Variants in NEK10 observed in about 807,000 individuals in gnomAD.
NEK10 encodes the protein serine/threonine-protein kinase Nek10.
Under a neutral mutation model 159.8 loss-of-function variants are expected in NEK10, and 122 were observed. The ratio of observed to expected loss-of-function variants is 0.76; its 90% CI spans 0.66 to 0.89. NEK10 has a LOEUF of 0.89. Among genes scored for constraint, NEK10 ranks in the 40% least tolerant of loss-of-function variants. The pLI is 0.00. For synonymous variants in NEK10, 466 were observed against 457.1 expected (o/e 1.02, Z -0.25); for missense variants, 1,342 against 1,323.1 (o/e 1.01, Z -0.22).
At chr3:27,300,524 T>C (rs527709753) in intron 13 of NEK10, among the ~76,000 whole-genome samples, 2 of 152,266 alleles carry the variant, frequency 1.3e-5, no homozygotes, top group East Asian at 3.9e-4. Flanking sequence ...CGTAAACACA[T>C]CTTAAGTGTA....
intron 35 of NEK10, among the ~76,000 whole-genome samples, chr3:27,114,735 A>T (rs779175328): frequency 6.6e-6 from 1 of 152,202 alleles, no homozygotes; most frequent in Non-Finnish European, 1.5e-5. Context: ...ATAATTGAAA[A>T]GGAAGGCAGT....
At chr3:27,127,577 T>C (rs762606292) in intron 32 of NEK10, among the ~76,000 whole-genome samples, 1 of 152,140 alleles carries the variant, frequency 6.6e-6, no homozygotes, top group Non-Finnish European at 1.5e-5. Flanking sequence ...TATCTAAACA[T>C]ATTTGAATAC....
intron 22 of NEK10, among the ~76,000 whole-genome samples, chr3:27,263,591 T>C (rs561284918): frequency 3.7e-4 from 56 of 152,156 alleles, no homozygotes; most frequent in Non-Finnish European, 6.8e-4. Flanking sequence ...TGAGCGAGGC[T>C]CCGTGGGTAT....
At chr3:27,144,517 C>A (rs1362601203) in intron 30 of NEK10, among the ~76,000 whole-genome samples, 4 of 152,110 alleles carry the variant, frequency 2.6e-5, no homozygotes, top group Admixed American at 2.6e-4. Flanking sequence ...ACACTCTGAC[C>A]AGAAAAGAAT....
chr3:27,278,899 C>T (rs1189886681), intron 22 of NEK10: 16 of 984,704 alleles, frequency 1.6e-5, no homozygotes, highest in Non-Finnish European at 1.6e-5. Context: ...GACTGTGTCT[C>T]ACCCCATGTA....
intron 5 of NEK10, among the ~76,000 whole-genome samples, chr3:27,328,451 T>G (rs1274989571): frequency 6.6e-6 from 1 of 152,212 alleles, no homozygotes; most frequent in Admixed American, 6.5e-5. Flanking sequence ...TTGATCCATA[T>G]GGATGTCTAG....
chr3:27,265,076 G>A (rs1230599793), intron 22 of NEK10, among the ~76,000 whole-genome samples: 1 of 152,162 alleles, frequency 6.6e-6, no homozygotes, highest in Non-Finnish European at 1.5e-5. Context: ...GAATAGTTGG[G>A]TATTTTCTTA....
At chr3:27,112,473 AATGACGATG>A (rs1352606306) in intron 35 of NEK10, among the ~76,000 whole-genome samples, 2 of 152,194 alleles carry the variant, frequency 1.3e-5, no homozygotes, top group African/African-American at 4.8e-5. Flanking sequence ...CAAATTTTGC[AATGACGATG>A]ATGACAATGA....
intron 6 of NEK10, among the ~76,000 whole-genome samples, chr3:27,321,387 G>A (rs1046350268): frequency 2.6e-5 from 4 of 152,166 alleles, no homozygotes; most frequent in African/African-American, 9.6e-5. Context: ...ACTAAAAACA[G>A]AGGCCAGGCA....
At chr3:27,220,089 G>A (rs938900334) in intron 23 of NEK10, among the ~76,000 whole-genome samples, 1 of 152,076 alleles carries the variant, frequency 6.6e-6, no homozygotes, top group African/African-American at 2.4e-5. Flanking sequence ...CTAAATAAAT[G>A]GAAAGACATT....
chr3:27,201,847 A>T (rs1269745341), intron 24 of NEK10, among the ~76,000 whole-genome samples: 1 of 152,226 alleles, frequency 6.6e-6, no homozygotes, highest in Non-Finnish European at 1.5e-5. Context: ...GATTGTGAGT[A>T]GTCCAGACTG....
Position 27,369,140 on chromosome 3 carries a change from C to T in NEK10, c.-38+85G>A, listed in dbSNP as rs993102685. ...TGGCTCCCGAGGCTTCGGGGCCGCT[C>T]CACAGGGACCTGAGGACGTCTCCCC... On this transcript the variant is annotated intron_variant, in intron 1 of 35. Coordinates refer to ENST00000691995, the MANE Select transcript of NEK10 (RefSeq NM_001394966.1). This position sits in a 1 kb window ranked among gnomAD's most constrained non-coding sequence, Gnocchi z 4.2. The T allele has an allele frequency of 6.6e-6, 1 of 152,274 alleles. No individual in the cohort carries two copies. Among genetic ancestry groups the T allele is most frequent in the Admixed American group, 6.5e-5 (1 of 15,278 alleles). The allele number at this position is 152,274 out of a possible 1,614,324, so 9.4% of individuals were successfully genotyped here. A position where few individuals can be genotyped will look rare whatever the true frequency, so the allele number is the denominator to read the frequency against.
chr3:27,364,278 G>A (rs1488737667), intron 1 of NEK10, among the ~76,000 whole-genome samples: 1 of 151,694 alleles, frequency 6.6e-6, no homozygotes, highest in Non-Finnish European at 1.5e-5. Context: ...AGGTTCAAGC[G>A]ATAGCGATTC....
intron 23 of NEK10, among the ~76,000 whole-genome samples, chr3:27,216,219 G>A (rs1951513664): frequency 6.6e-6 from 1 of 152,208 alleles, no homozygotes; most frequent in Non-Finnish European, 1.5e-5. Flanking sequence ...CCCTGCCCAA[G>A]AGAAGGGTCC....
intron 3 of NEK10, among the ~76,000 whole-genome samples, chr3:27,347,631 A>G (rs1016972889): frequency 1.3e-5 from 2 of 152,218 alleles, no homozygotes; most frequent in African/African-American, 4.8e-5. Context: ...GTTAACAAAA[A>G]AACTAAAATC....
intron 6 of NEK10, among the ~76,000 whole-genome samples, chr3:27,319,309 C>T (rs1314681052): frequency 6.6e-6 from 1 of 152,258 alleles, no homozygotes; most frequent in Non-Finnish European, 1.5e-5. Flanking sequence ...AAACTCTAAA[C>T]AATTATATCT....
intron 32 of NEK10, among the ~76,000 whole-genome samples, chr3:27,121,167 A>T (rs927790969): frequency 1.3e-5 from 2 of 152,176 alleles, no homozygotes; most frequent in African/African-American, 4.8e-5. Context: ...TAATAACTAA[A>T]ATCTAGAAAA....
At chr3:27,305,019 G>A in intron 11 of NEK10, 48 bp from the exon 12 acceptor site, 1 of 1,127,518 alleles carries the variant, frequency 8.9e-7, no homozygotes, top group Non-Finnish European at 1.3e-6. Flanking sequence ...ATCATGAGTT[G>A]ATTACTTTAC....
At chr3:27,227,489 A>T (rs1427585959) in intron 23 of NEK10, among the ~76,000 whole-genome samples, 1 of 152,090 alleles carries the variant, frequency 6.6e-6, no homozygotes, top group Non-Finnish European at 1.5e-5. Context: ...ATTATAGTCA[A>T]ACACCTCCTC....
Sources: gnomAD v4.1 joint callset for allele counts (sites outside exome capture counted in the v4.1 genomes callset) on GRCh38, gnomAD v4.1.1 for gene constraint, Gnocchi (gnomAD v3.1) non-coding constraint, MANE v1.5 for transcripts, NCBI Gene and HGNC (gene_info 2026-07-23, HGNC 2026-07-21) for gene names.